The following LRRTM4 variants were observed in gnomAD, a reference collection of about 807,000 sequenced individuals.
LRRTM4 encodes leucine rich repeat transmembrane neuronal 4.
LRRTM4 carries 25 observed loss-of-function variants against 47.6 expected under a neutral mutation model. The ratio of observed to expected loss-of-function variants is 0.53; its 90% confidence interval spans 0.38 to 0.73. LRRTM4 has a LOEUF of 0.73. LRRTM4 is among the 30% of genes least tolerant of loss of function. The pLI, the probability that LRRTM4 is intolerant of heterozygous loss-of-function variation, is 0.00. For missense variants in LRRTM4, 638 were observed against 713.4 expected (o/e 0.89, Z 1.20); for synonymous variants, 311 against 269.5 (o/e 1.15, Z -1.51).
chr2:77,089,868 T>C (rs1680871533), intron 3 of LRRTM4, among the ~76,000 whole-genome samples: 2 of 152,192 alleles, frequency 1.3e-5, no homozygotes, highest in South Asian at 4.1e-4. Context: ...GCAAACGGTC[T>C]GAGGTGCCTG....
At chr2:77,002,851 T>C (rs1019288463) in intron 3 of LRRTM4, among the ~76,000 whole-genome samples, 3 of 152,122 alleles carry the variant, frequency 2.0e-5, no homozygotes, top group Non-Finnish European at 2.9e-5. Context: ...CTTCATCACA[T>C]TGTCCTGTTC....
At chr2:77,408,112 C>T (rs1182634517) in intron 3 of LRRTM4, among the ~76,000 whole-genome samples, 12 of 152,070 alleles carry the variant, frequency 7.9e-5, no homozygotes. Context: ...AATATTAACT[C>T]TTCAATATTT....
chr2:76,814,536 A>G (rs1573157258), intron 3 of LRRTM4, among the ~76,000 whole-genome samples: 1 of 152,146 alleles, frequency 6.6e-6, no homozygotes, highest in East Asian at 1.9e-4. Flanking sequence ...AGACAAGAAT[A>G]AAAAATATCA....
chr2:77,410,873 T>TA (rs1674392873), intron 3 of LRRTM4, among the ~76,000 whole-genome samples: 1 of 152,134 alleles, frequency 6.6e-6, no homozygotes, highest in South Asian at 2.1e-4. Flanking sequence ...ACAATTGCCA[T>TA]AAAAACCAAG....
At chr2:77,502,487 A>C (rs1031064415) in intron 3 of LRRTM4, among the ~76,000 whole-genome samples, 1 of 151,614 alleles carries the variant, frequency 6.6e-6, no homozygotes, top group African/African-American at 2.4e-5. Flanking sequence ...AAAAATTTAT[A>C]AAGAAGATTT....
intron 3 of LRRTM4, among the ~76,000 whole-genome samples, chr2:77,140,048 C>T (rs1382721665): frequency 1.3e-5 from 2 of 152,090 alleles, no homozygotes; most frequent in Non-Finnish European, 2.9e-5. Flanking sequence ...GGCCATACTG[C>T]CCAAGGTAAT....
At chr2:77,251,265 A>G (rs1184981813) in intron 3 of LRRTM4, among the ~76,000 whole-genome samples, 1 of 148,200 alleles carries the variant, frequency 6.7e-6, no homozygotes, top group Non-Finnish European at 1.5e-5. Context: ...ATATATACAC[A>G]CACACATATA....
intron 3 of LRRTM4, among the ~76,000 whole-genome samples, chr2:77,371,008 C>G (rs1383351040): frequency 2.0e-5 from 3 of 151,630 alleles, no homozygotes; most frequent in East Asian, 1.9e-4. Context: ...AGGACCACAT[C>G]AAGCAGTAGA....
At chr2:77,455,219 AGT>A (rs1396348603) in intron 3 of LRRTM4, among the ~76,000 whole-genome samples, 2 of 152,298 alleles carry the variant, frequency 1.3e-5, no homozygotes, top group Middle Eastern at 3.4e-3. Context: ...TTTAAATGAA[AGT>A]GTTTAAATTT....
intron 3 of LRRTM4, among the ~76,000 whole-genome samples, chr2:77,376,648 G>A (rs1672852909): frequency 6.6e-6 from 1 of 151,716 alleles, no homozygotes; most frequent in Non-Finnish European, 1.5e-5. Context: ...ATTACGCTGA[G>A]GTTATGGGTT....
At chr2:77,183,217 T>C (rs1284987156) in intron 3 of LRRTM4, among the ~76,000 whole-genome samples, 6 of 152,052 alleles carry the variant, frequency 3.9e-5, no homozygotes, top group East Asian at 3.9e-4. Context: ...GAATCTACAA[T>C]GAACTCCAAC....
chr2:76,896,328 G>T (rs956376131), intron 3 of LRRTM4, among the ~76,000 whole-genome samples: 1 of 151,812 alleles, frequency 6.6e-6, no homozygotes, highest in Admixed American at 6.6e-5. Flanking sequence ...TGTGCAATCA[G>T]GGCCAAAAAG....
In LRRTM4 at chr2:77,483,118, C is replaced by CAA. The variant is rs776265725; in HGVS notation, c.1551+35198_1551+35199dup. On this transcript the variant is annotated intron_variant, in intron 3 of 3. Transcript: ENST00000409884. ...CCTAGGAGGCAGAGCAAGACTGTCTCAAAAAAAAAAAAAAAAAAAAAAAAA... is the reference window on the plus strand; with the variant it reads ...CCTAGGAGGCAGAGCAAGACTGTCTCAAAAAAAAAAAAAAAAAAAAAAAAAAA... Among the ~76,000 whole-genome samples, 152 of 60,592 alleles carry CAA rather than the reference C, an allele frequency of 2.5e-3. 13 individuals carry two copies. The highest frequency in any genetic ancestry group is 7.3e-3 in the African/African-American group (111 of 15,198). The allele number at this position is 60,592 out of a possible 152,430, so 39.8% of individuals were successfully genotyped here.
chr2:76,889,964 G>A (rs982734555), intron 3 of LRRTM4, among the ~76,000 whole-genome samples: 1 of 151,904 alleles, frequency 6.6e-6, no homozygotes, highest in Non-Finnish European at 1.5e-5. Context: ...TGACCTAGTT[G>A]TAGATGTATG....
At chr2:76,829,373 C>A (rs1401961531) in intron 3 of LRRTM4, among the ~76,000 whole-genome samples, 1 of 151,808 alleles carries the variant, frequency 6.6e-6, no homozygotes, top group Non-Finnish European at 1.5e-5. Flanking sequence ...TTGTTCTAAC[C>A]CACAAATACA....
chr2:77,086,640 A>G (rs181377073), intron 3 of LRRTM4, among the ~76,000 whole-genome samples: 321 of 151,456 alleles, frequency 2.1e-3, no homozygotes, highest in African/African-American at 7.5e-3. Flanking sequence ...ACCATGCCTG[A>G]CTTTCGTTTG....
At chr2:77,193,751 T>C (rs888671719) in intron 3 of LRRTM4, among the ~76,000 whole-genome samples, 10 of 152,172 alleles carry the variant, frequency 6.6e-5, no homozygotes, top group Admixed American at 6.5e-4. Flanking sequence ...CACTCCGGCC[T>C]GGGCAATAAG....
chr2:77,483,744 T>C (rs921787941), intron 3 of LRRTM4, among the ~76,000 whole-genome samples: 14 of 152,124 alleles, frequency 9.2e-5, no homozygotes, highest in Non-Finnish European at 1.3e-4. Flanking sequence ...TTAATGTGGA[T>C]CAAGAAAATG....
chr2:77,144,223 T>G (rs1672197800), intron 3 of LRRTM4, among the ~76,000 whole-genome samples: 1 of 152,076 alleles, frequency 6.6e-6, no homozygotes, highest in South Asian at 2.1e-4. Context: ...ATGGATCTTC[T>G]TGGGAAGTGC....
Sources: allele counts gnomAD v4.1 joint callset (sites outside exome capture counted in the v4.1 genomes callset), GRCh38; gene constraint gnomAD v4.1.1; transcripts MANE v1.5; gene names NCBI Gene and HGNC (gene_info 2026-07-23, HGNC 2026-07-21).